SMPX: variants seen among roughly 807,000 people sequenced by gnomAD.
SMPX encodes small muscle protein X-linked, also known as small muscular protein.
A neutral mutation model predicts 6.3 loss-of-function variants in SMPX; 2 were observed. That is an observed-to-expected ratio of 0.32 (90% CI 0.13 to 0.99). The LOEUF is 0.99. SMPX is among the 50% of genes least tolerant of loss of function. The probability of loss-of-function intolerance (pLI) is 0.49; values close to 1 mark genes in which losing one functional copy is unlikely to be tolerated. For synonymous variants in SMPX, 32 were observed against 24.7 expected, an observed-to-expected ratio of 1.30 and a Z score of -0.88; for missense variants, 60 against 66.8, an observed-to-expected ratio of 0.90 and a Z score of 0.36.
chrX:21,724,757 C>T (rs1184455823), intron 4 of SMPX, among the ~76,000 whole-genome samples: 1 of 111,874 alleles, frequency 8.9e-6, no homozygotes, highest in East Asian at 2.8e-4. Context: ...AGGGAGAAGA[C>T]AATACAACCC....
At chrX:21,713,653 C>T (rs1182063862) in intron 4 of SMPX, among the ~76,000 whole-genome samples, 1 of 111,512 alleles carries the variant, frequency 9.0e-6, no homozygotes, top group Non-Finnish European at 1.9e-5. Context: ...AAGACCCGCC[C>T]CCATGATTCG....
chrX:21,726,286 G>A (rs1196905866), intron 4 of SMPX, among the ~76,000 whole-genome samples: 1 of 111,879 alleles, frequency 8.9e-6, no homozygotes, highest in East Asian at 2.8e-4. Context: ...TGCTATGATC[G>A]CCCCACTTCT....
chrX:21,734,260 T>C lies in SMPX; in HGVS notation c.*14+3289A>G, dbSNP rs150941285. 3.6e-5 allele frequency among the ~76,000 whole-genome samples: 4 copies of C among 111,202 alleles called. No individual in the cohort carries two copies. In the East Asian group the frequency reaches 8.5e-4, roughly 24 times the overall value. ...GAGTACCTATGCTCTGATCTAAGGG[T>C]CGGGAACAAACAGAAATGGACACAA... On this transcript the variant is annotated intron_variant, in intron 4 of 4. Coordinates refer to ENST00000379494, the MANE Select transcript of SMPX (RefSeq NM_014332.3).
chrX:21,731,500 CATACACATTAT>C (rs1569306527), intron 4 of SMPX, among the ~76,000 whole-genome samples: 5 of 68,009 alleles, frequency 7.4e-5, no homozygotes, highest in Non-Finnish European at 1.2e-4. Flanking sequence ...TATGTGTACA[CATACACATTAT>C]GTGTGTATGT....
intron 3 of SMPX, among the ~76,000 whole-genome samples, chrX:21,738,957 C>T (rs2033342702): frequency 9.0e-6 from 1 of 111,435 alleles, no homozygotes; most frequent in African/African-American, 3.3e-5. Flanking sequence ...TCCTGAAGGA[C>T]CCAAACTAAC....
rs532561056 is a variant in SMPX, at chrX:21,706,321, T to C, written c.*88A>G. ...TCTCAGGCATTCAGGAGGTTCACAA[T>C]CATCATACAAATATATAAAATTTTA... On this transcript the variant is annotated 3_prime_UTR_variant, in exon 5 of 5. Coordinates refer to ENST00000379494, the MANE Select transcript of SMPX (RefSeq NM_014332.3). 1 of 481,724 alleles carries C rather than the reference T, an allele frequency of 2.1e-6. No homozygotes were observed. Among genetic ancestry groups the C allele is most frequent in the African/African-American group, 2.3e-5 (1 of 42,666 alleles). The allele number at this position is 481,724 out of a possible 1,213,427, so 39.7% of individuals were successfully genotyped here.
chrX:21,731,830 T>TTATA (rs59393701), intron 4 of SMPX, among the ~76,000 whole-genome samples: 3,620 of 98,995 alleles, frequency 0.037, 171 homozygotes, highest in African/African-American at 0.12. Context: ...TATATACACA[T>TTATA]TATATATATA....
intron 4 of SMPX, among the ~76,000 whole-genome samples, chrX:21,722,483 C>A (rs141914183): frequency 9.1e-4 from 102 of 112,018 alleles, no homozygotes; most frequent in African/African-American, 3.1e-3. Flanking sequence ...CTAGAACGAT[C>A]TCAAAAAGTT....
At chrX:21,715,306 GCGCA>G (rs1283793894) in intron 4 of SMPX, among the ~76,000 whole-genome samples, 375 of 97,073 alleles carry the variant, frequency 3.9e-3, no homozygotes, top group African/African-American at 0.019. Flanking sequence ...GTGTGTGTGC[GCGCA>G]CGCGCGCGCG....
In SMPX at chrX:21,730,874, T is replaced by A. The variant is rs190947235; in HGVS notation, c.*14+6675A>T. Among the ~76,000 whole-genome samples the A allele has an allele frequency of 1.8e-3, 198 of 112,358 alleles. No individual in the cohort carries two copies. In the Middle Eastern group the frequency reaches 0.018, roughly 10 times the overall value. On this transcript the variant is annotated intron_variant, in intron 4 of 4. Transcript: ENST00000379494. ...TTGAAAGGAATGATATTTCCATTCA[T>A]GCATCAATTTAATCATAAGTTTACT...
chrX:21,724,113 G>A (rs1184326007), intron 4 of SMPX, among the ~76,000 whole-genome samples: 2 of 111,933 alleles, frequency 1.8e-5, no homozygotes, highest in Non-Finnish European at 3.8e-5. Flanking sequence ...CTCTCCTGAC[G>A]GATAATAAGC....
rs1569306615 is a variant in SMPX at position 21,731,570 on chromosome X, A to ATGTGTACATATACACAT, written c.*14+5978_*14+5979insATGTGTATATGTACACA. ...ATGTGTATATATACACATTATGTGT[A>ATGTGTACATATACACAT]TATGTGTATATGTGTATATGTACAC... On this transcript the variant is annotated intron_variant, in intron 4 of 4. Transcript: ENST00000379494. 2.5e-4 allele frequency among the ~76,000 whole-genome samples: 10 copies of ATGTGTACATATACACAT among 40,126 alleles called. 1 individual carries two copies. The highest frequency in any genetic ancestry group is 4.2e-4 in the African/African-American group (6 of 14,377). 34.8% of individuals were successfully genotyped at this position (40,126 alleles called of 115,157 possible). A position where few individuals can be genotyped will look rare whatever the true frequency, so the allele number is the denominator to read the frequency against.
chrX:21,721,793 G>T (rs1322065355), intron 4 of SMPX, among the ~76,000 whole-genome samples: 1 of 112,359 alleles, frequency 8.9e-6, no homozygotes, highest in Non-Finnish European at 1.9e-5. Context: ...CTCACCCAAA[G>T]CCCAAGGCTG....
chrX:21,729,319 T>C (rs2092800836), intron 4 of SMPX, among the ~76,000 whole-genome samples: 1 of 112,620 alleles, frequency 8.9e-6, no homozygotes, highest in African/African-American at 3.2e-5. Context: ...TTCAAGCAGG[T>C]AAATCAGGGT....
intron 2 of SMPX, among the ~76,000 whole-genome samples, chrX:21,752,230 T>G (rs2092828122): frequency 9.0e-6 from 1 of 111,360 alleles, no homozygotes; most frequent in Non-Finnish European, 1.9e-5. Flanking sequence ...CTAGTGAATT[T>G]TCAGTGTAGA....
chrX:21,717,652 T>G (rs972522602), intron 4 of SMPX, among the ~76,000 whole-genome samples: 1 of 112,161 alleles, frequency 8.9e-6, no homozygotes, highest in Non-Finnish European at 1.9e-5. Context: ...TCCCCCTTCA[T>G]GGAACTTAAG....
At chrX:21,726,224 A>G (rs2092796756) in intron 4 of SMPX, among the ~76,000 whole-genome samples, 1 of 112,024 alleles carries the variant, frequency 8.9e-6, no homozygotes, top group African/African-American at 3.2e-5. Flanking sequence ...TAAGGTGGGC[A>G]AATGTGCGCA....
rs367998151 is a variant in SMPX, at chrX:21,737,726, C to T, written c.133-29G>A. The T allele has an allele frequency of 1.2e-4, 142 of 1,197,791 alleles. No homozygotes were observed. The African/African-American group carries it at 2.3e-3, about 19-fold the overall frequency. On this transcript the variant is annotated intron_variant, in intron 3 of 4. Coordinates refer to ENST00000379494, the MANE Select transcript of SMPX (RefSeq NM_014332.3). ...AAGAGCAAGGAGAAGAAATCCAACT[C>T]ACCAAAAATCACATTTGATCTCTTT...
intron 4 of SMPX, among the ~76,000 whole-genome samples, chrX:21,726,487 G>C (rs777998452): frequency 8.9e-6 from 1 of 112,316 alleles, no homozygotes; most frequent in Non-Finnish European, 1.9e-5. Flanking sequence ...ATAGATAGGG[G>C]ATCTTAAATT....
Sources: allele counts gnomAD v4.1 joint callset (sites outside exome capture counted in the v4.1 genomes callset), GRCh38; gene constraint gnomAD v4.1.1; transcripts MANE v1.5; gene names NCBI Gene and HGNC (gene_info 2026-07-23, HGNC 2026-07-21).